The following EML2 variants were observed in gnomAD, a reference collection of about 807,000 sequenced individuals.
EML2 encodes EMAP like 2.
A neutral mutation model predicts 84.7 loss-of-function variants in EML2; 59 were observed. That is an observed-to-expected ratio of 0.70 (90% CI 0.56 to 0.86). The LOEUF (loss-of-function observed/expected upper bound fraction) is 0.86. Among genes scored for constraint, EML2 ranks in the 40% least tolerant of loss-of-function variants. The pLI is 0.00. For missense variants in EML2, 818 were observed against 855.6 expected (o/e 0.96, Z 0.55); for synonymous variants, 352 against 348.9 (o/e 1.01, Z -0.10).
upstream of EML2, chr19:45,645,606 T>A: frequency 3.2e-6 from 2 of 632,020 alleles, no homozygotes; most frequent in Non-Finnish European, 5.1e-6. Context: ...AGGTACCGTC[T>A]GGTCCCGCCC....
At chr19:45,625,062 C>T (rs1972142502) in intron 8 of EML2, among the ~76,000 whole-genome samples, 1 of 152,272 alleles carries the variant, frequency 6.6e-6, no homozygotes, top group East Asian at 1.9e-4. Context: ...TGCCCTCTCT[C>T]TGGTCCCCCT....
chr19:45,638,876 G>C lies in EML2; in HGVS notation c.21-3C>G. On this transcript the variant is annotated splice_region_variant and splice_polypyrimidine_tract_variant and intron_variant, in intron 1 of 18. Coordinates refer to ENST00000245925, the MANE Select transcript of EML2 (RefSeq NM_012155.4). Reference sequence around the variant, plus strand: ...TGAAGATAACTTCTTTGGTTTTGCTGTCAGGAAAGGACAAAGAAAAAAAAA... The same window carrying C: ...TGAAGATAACTTCTTTGGTTTTGCTCTCAGGAAAGGACAAAGAAAAAAAAA... 6.2e-7 allele frequency: 1 copy of C among 1,613,462 alleles called. No homozygotes were observed. The highest frequency in any genetic ancestry group is 8.5e-7 in the Non-Finnish European group (1 of 1,179,928).
chr19:45,637,266 T>C (rs566477940), intron 3 of EML2, among the ~76,000 whole-genome samples: 1 of 152,138 alleles, frequency 6.6e-6, no homozygotes, highest in Non-Finnish European at 1.5e-5. Context: ...AATAGGATTT[T>C]AGGAAAAAGT....
Position 45,615,788 on chromosome 19 carries a change from C to A in EML2, c.1597+14G>T, listed in dbSNP as rs370086515. ...GACGGAGGAAGTAATGTCTCTGGGTCCCGGAGAACTCACAGTACAGAATCT... is the reference window on the plus strand; with the variant it reads ...GACGGAGGAAGTAATGTCTCTGGGTACCGGAGAACTCACAGTACAGAATCT... On this transcript the variant is annotated intron_variant, in intron 16 of 18. Coordinates refer to ENST00000245925, the MANE Select transcript of EML2 (RefSeq NM_012155.4). The A allele has an allele frequency of 1.2e-6, 2 of 1,609,296 alleles. No individual in the cohort carries two copies. Among genetic ancestry groups the A allele is most frequent in the East Asian group, 4.5e-5 (2 of 44,808 alleles).
upstream of EML2, chr19:45,642,102 C>G: frequency 6.8e-7 from 1 of 1,463,590 alleles, no homozygotes; most frequent in Non-Finnish European, 9.0e-7. Context: ...CCCGGTCCTC[C>G]CCATCCCACC....
Position 45,633,126 on chromosome 19 carries a change from G to A in EML2, c.343C>T (p.Pro115Ser). ...NDDIKCLAIH[P>S]DMVTIATGQV... ...CCCGTGGCGATGGTGACCATATCTG[G>A]GTGGATGGCCAAGCTGCGGAAAGAA... Residue 115 changes from proline (P) to serine (S), a missense_variant, in exon 5 of 19, where the codon CCA becomes TCA. Pro to Ser is a moderately conservative substitution (Grantham distance 74). Coordinates refer to ENST00000245925, the MANE Select transcript of EML2 (RefSeq NM_012155.4). The A allele has an allele frequency of 1.9e-6, 3 of 1,605,606 alleles. No individual in the cohort carries two copies. Among genetic ancestry groups the A allele is most frequent in the Non-Finnish European group, 1.7e-6 (2 of 1,176,396 alleles).
At position 45,609,576 on chromosome 19, in the gene EML2, A is replaced by T; in HGVS notation, c.*87T>A. 1 of 1,425,178 alleles carries T rather than the reference A, an allele frequency of 7.0e-7. No homozygotes were observed. Among genetic ancestry groups the T allele is most frequent in the Middle Eastern group, 1.9e-4 (1 of 5,354 alleles). 88.3% of individuals were successfully genotyped at this position (1,425,178 alleles called of 1,614,324 possible). On this transcript the variant is annotated 3_prime_UTR_variant, in exon 19 of 19. Coordinates refer to ENST00000245925, the MANE Select transcript of EML2 (RefSeq NM_012155.4). ...CCATAACCCCCTCTGCTATAGACAT[A>T]CTCTGGGTATATATTACTCTACTCG...
intron 3 of EML2, among the ~76,000 whole-genome samples, chr19:45,635,500 A>G (rs760799285): frequency 1.2e-4 from 18 of 151,344 alleles, no homozygotes; most frequent in Non-Finnish European, 8.8e-5. Flanking sequence ...GGTCATTGGA[A>G]TGAGGTTTTT....
At chr19:45,619,388 C>A (rs1971445824) in intron 11 of EML2, 197 bp from the exon 12 acceptor site, 1 of 527,938 alleles carries the variant, frequency 1.9e-6, no homozygotes, top group East Asian at 3.4e-5. Flanking sequence ...TGACTCAAGG[C>A]AAATCCTGCC....
chr19:45,634,592 C>G (rs1973498558), intron 3 of EML2, 121 bp from the exon 4 acceptor site: 4 of 673,196 alleles, frequency 5.9e-6, no homozygotes, highest in Non-Finnish European at 7.6e-6. Flanking sequence ...GATGGAGTCT[C>G]ACTCTGTCGC....
chr19:45,634,701 A>G (rs1366484853), intron 3 of EML2, among the ~76,000 whole-genome samples: 1 of 151,754 alleles, frequency 6.6e-6, no homozygotes, highest in Non-Finnish European at 1.5e-5. Flanking sequence ...AGCTGGGACT[A>G]CAGGCGCCCG....
upstream of EML2, chr19:45,642,241 G>T: frequency 2.0e-6 from 3 of 1,535,838 alleles, 1 homozygote; most frequent in South Asian, 2.4e-5. Context: ...CAGAGCATCC[G>T]CCAGCGCCGC....
Position 45,633,090 on chromosome 19 carries a change from C to T in EML2, c.379G>A (p.Gly127Arg). The change falls in exon 5 of 19, where the codon GGA becomes AGA. Residue 127 changes from glycine to arginine, a missense_variant. Transcript: ENST00000245925. Reference sequence around the variant, plus strand: ...ATTACCTTCCCTTCCTTAGTGGTTCCCGCCACCTGTCCCGTGGCGATGGTG... The same window carrying T: ...ATTACCTTCCCTTCCTTAGTGGTTCTCGCCACCTGTCCCGTGGCGATGGTG... ...MVTIATGQVA[G>R]TTKEGKPLPP... The T allele has an allele frequency of 6.3e-7, 1 of 1,596,174 alleles. No individual in the cohort carries two copies. The highest frequency in any genetic ancestry group is 8.5e-7 in the Non-Finnish European group (1 of 1,171,796).
At chr19:45,641,687 T>C, upstream of EML2, 2 of 1,536,160 alleles carry the variant, frequency 1.3e-6, no homozygotes, top group Non-Finnish European at 1.7e-6. Context: ...GTGGTCCGGC[T>C]GCGGGGGTCC....
chr19:45,612,906 T>C (rs1254162897), intron 18 of EML2, among the ~76,000 whole-genome samples: 1 of 151,764 alleles, frequency 6.6e-6, no homozygotes, highest in Non-Finnish European at 1.5e-5. Context: ...TTTGTTTTTG[T>C]CTTTGTTTTG....
chr19:45,633,447 T>G (rs1282722689), intron 4 of EML2, among the ~76,000 whole-genome samples: 1 of 140,220 alleles, frequency 7.1e-6, no homozygotes. Context: ...TTGTCTGGAG[T>G]GCCTATTCAG....
intron 9 of EML2, among the ~76,000 whole-genome samples, chr19:45,622,932 C>T (rs1971879490): frequency 6.7e-6 from 1 of 150,270 alleles, no homozygotes; most frequent in Admixed American, 6.7e-5. Flanking sequence ...ACCTGTAGTC[C>T]CAGCTACTTG....
In EML2 at chr19:45,630,060, G is replaced by T; in HGVS notation, c.511-14C>A. ...GTTGCCTCCATTCTAAAGAGGAGGA[G>T]AGAGGAGGGGGACAGAGGCAAGGGG... On this transcript the variant is annotated splice_polypyrimidine_tract_variant and intron_variant, in intron 6 of 18. Transcript: ENST00000245925. 1.2e-6 allele frequency: 2 copies of T among 1,601,182 alleles called. No individual in the cohort carries two copies. Among genetic ancestry groups the T allele is most frequent in the South Asian group, 1.1e-5 (1 of 90,812 alleles).
At position 45,632,919 on chromosome 19, in the gene EML2, T is replaced by A; in HGVS notation, c.452A>T (p.His151Leu). Residue 151 changes from histidine to leucine, a missense_variant, in exon 6 of 19, where the codon CAC (histidine) becomes CTC (leucine). Physicochemically the swap from His to Leu is moderately conservative, Grantham distance 99 (BLOSUM62 -3). Coordinates refer to ENST00000245925, the MANE Select transcript of EML2 (RefSeq NM_012155.4). ...GTCAAACACCCCCAAGCCCAGCACG[T>A]GTAAGGTGGAGAGGGAAACTGAGTC... ...IWDSVSLSTL[H>L]VLGLGVFDRA... 1 of 1,614,150 alleles carries A rather than the reference T, an allele frequency of 6.2e-7. No individual in the cohort carries two copies.
Sources: gnomAD v4.1 joint callset for allele counts (sites outside exome capture counted in the v4.1 genomes callset) on GRCh38, gnomAD v4.1.1 for gene constraint, MANE v1.5 for transcripts, NCBI Gene and HGNC (gene_info 2026-07-23, HGNC 2026-07-21) for gene names.